MAP3K5: variants seen among roughly 807,000 people sequenced by gnomAD.
MAP3K5 encodes the protein ASK-1.
In MAP3K5, 56 loss-of-function variants were observed where a neutral mutation model predicts 158.7. The observed-to-expected ratio is 0.35, with a 90% CI of 0.28 to 0.44. The LOEUF is 0.44. Ranked by LOEUF, MAP3K5 falls within the 20% of genes least tolerant of loss-of-function variation. The pLI is 1.00. For synonymous variants in MAP3K5, 579 were observed against 601.7 expected, an observed-to-expected ratio of 0.96 and a Z score of 0.55; for missense variants, 1,294 against 1,674.8, an observed-to-expected ratio of 0.77 and a Z score of 3.97.
chr6:136,720,928 T>C (rs9399193), intron 1 of MAP3K5, among the ~76,000 whole-genome samples: 58,268 of 151,960 alleles, frequency 0.38, 12,444 homozygotes, highest in Middle Eastern at 0.49. Context: ...TACAGGCATG[T>C]GGCATCACGC....
At chr6:136,790,121 G>A (rs1785013585) in intron 1 of MAP3K5, among the ~76,000 whole-genome samples, 1 of 152,162 alleles carries the variant, frequency 6.6e-6, no homozygotes, top group African/African-American at 2.4e-5. Flanking sequence ...TTCCTTCACA[G>A]GCTTGTTTGG....
intron 14 of MAP3K5, among the ~76,000 whole-genome samples, chr6:136,633,362 C>T (rs1777465120): frequency 6.6e-6 from 1 of 151,750 alleles, no homozygotes; most frequent in Non-Finnish European, 1.5e-5. Flanking sequence ...CATGCCACTG[C>T]ACTCCAGCCT....
intron 1 of MAP3K5, among the ~76,000 whole-genome samples, chr6:136,760,509 G>T (rs1783700163): frequency 6.6e-6 from 1 of 152,158 alleles, no homozygotes; most frequent in Non-Finnish European, 1.5e-5. Context: ...GGTATTATTT[G>T]TTAATTTATT....
intron 10 of MAP3K5, among the ~76,000 whole-genome samples, chr6:136,655,707 AGTGTGTGTGTGT>A (rs61536898): frequency 6.0e-5 from 9 of 149,888 alleles, no homozygotes; most frequent in East Asian, 2.0e-4. Flanking sequence ...ATTTTTTTAA[AGTGTGTGTGTGT>A]GTGTGTGTGT....
intron 1 of MAP3K5, among the ~76,000 whole-genome samples, chr6:136,735,990 C>T (rs913474818): frequency 6.6e-6 from 1 of 152,130 alleles, no homozygotes; most frequent in African/African-American, 2.4e-5. Context: ...ACCATTATTG[C>T]TGTAGAAAGA....
chr6:136,701,190 C>T (rs907761866), intron 3 of MAP3K5, among the ~76,000 whole-genome samples: 2 of 152,198 alleles, frequency 1.3e-5, no homozygotes, highest in South Asian at 2.1e-4. Context: ...GGGTTATGCA[C>T]CCTCCTGAGT....
chr6:136,583,190 A>C (rs1030786657), intron 24 of MAP3K5, among the ~76,000 whole-genome samples: 9 of 152,214 alleles, frequency 5.9e-5, no homozygotes. Flanking sequence ...CTCAATGGCC[A>C]CTAGATGGCA....
chr6:136,674,478 T>C (rs1779617512), intron 7 of MAP3K5, among the ~76,000 whole-genome samples: 1 of 151,908 alleles, frequency 6.6e-6, no homozygotes, highest in East Asian at 1.9e-4. Context: ...AAAGTGCTAA[T>C]GTAGGAGAAA....
chr6:136,627,220 T>C (rs116937964), intron 14 of MAP3K5, among the ~76,000 whole-genome samples: 1 of 152,200 alleles, frequency 6.6e-6, no homozygotes, highest in Non-Finnish European at 1.5e-5. Context: ...TACCTCCTTA[T>C]TCTCACCGGA....
chr6:136,728,682 G>A (rs772590430), intron 1 of MAP3K5, among the ~76,000 whole-genome samples: 5 of 152,130 alleles, frequency 3.3e-5, no homozygotes, highest in South Asian at 2.1e-4. Flanking sequence ...TGTATGCATG[G>A]TGATTCAAAC....
chr6:136,584,062 A>C (rs1775007930), intron 23 of MAP3K5, among the ~76,000 whole-genome samples: 1 of 152,180 alleles, frequency 6.6e-6, no homozygotes, highest in Admixed American at 6.5e-5. Flanking sequence ...CAACACCAAG[A>C]AATAATCAGA....
At chr6:136,678,269 T>C (rs960638079) in intron 7 of MAP3K5, among the ~76,000 whole-genome samples, 1 of 152,158 alleles carries the variant, frequency 6.6e-6, no homozygotes, top group Non-Finnish European at 1.5e-5. Context: ...TTGTATTCTA[T>C]ATACAACAGA....
intron 1 of MAP3K5, among the ~76,000 whole-genome samples, chr6:136,742,322 A>G (rs1290744773): frequency 6.6e-6 from 1 of 152,204 alleles, no homozygotes; most frequent in East Asian, 1.9e-4. Flanking sequence ...CCAGAAATAG[A>G]TCCACATAAA....
At position 136,669,332 on chromosome 6, in the gene MAP3K5, G is replaced by A. The variant is rs746735974; in HGVS notation, c.1317C>T (p.Leu439=). Residue 439 remains leucine (L), a synonymous_variant, in exon 8 of 30, where the codon CTC becomes CTT. Transcript: ENST00000359015. ...ATTCAAACTGGTGTCCAGCTGCCAG[G>A]AGGAGGACCGCATAATTAATTCCTG... ...LQSGINYAVL[L]LAAGHQFESS... is the part of the protein sequence containing the mutation. 5 of 1,613,880 alleles carry A rather than the reference G, an allele frequency of 3.1e-6. No individual in the cohort carries two copies. The highest frequency in any genetic ancestry group is 4.2e-6 in the Non-Finnish European group (5 of 1,179,806).
intron 11 of MAP3K5, among the ~76,000 whole-genome samples, chr6:136,648,596 G>A (rs115060863): frequency 2.9e-4 from 44 of 152,244 alleles, no homozygotes; most frequent in African/African-American, 1.0e-3. Flanking sequence ...AAGACTTAAC[G>A]TGACCAACTT....
intron 8 of MAP3K5, among the ~76,000 whole-genome samples, chr6:136,667,152 A>C (rs1562594690): frequency 6.6e-6 from 1 of 152,226 alleles, no homozygotes; most frequent in Non-Finnish European, 1.5e-5. Context: ...AGGCTTCAAC[A>C]AAACCTCACC....
chr6:136,646,394 A>C (rs1020206212), intron 11 of MAP3K5, among the ~76,000 whole-genome samples: 1 of 152,236 alleles, frequency 6.6e-6, no homozygotes, highest in African/African-American at 2.4e-5. Flanking sequence ...CACAAAACAT[A>C]AGAGAATGAA....
chr6:136,645,784 T>C (rs577149517), intron 11 of MAP3K5, among the ~76,000 whole-genome samples: 2 of 152,296 alleles, frequency 1.3e-5, no homozygotes, highest in Non-Finnish European at 2.9e-5. Flanking sequence ...CAGTATAAAG[T>C]ATATACTAGC....
intron 1 of MAP3K5, among the ~76,000 whole-genome samples, chr6:136,766,448 G>A (rs1336426869): frequency 6.6e-6 from 1 of 152,124 alleles, no homozygotes; most frequent in Non-Finnish European, 1.5e-5. Flanking sequence ...ATTCATTCAG[G>A]GTCATGAATA....
Sources: gnomAD v4.1 joint callset for allele counts (sites outside exome capture counted in the v4.1 genomes callset) on GRCh38, gnomAD v4.1.1 for gene constraint, MANE v1.5 for transcripts, NCBI Gene and HGNC (gene_info 2026-07-23, HGNC 2026-07-21) for gene names.